The following INPP4B variants were observed in gnomAD, a reference collection of about 807,000 sequenced individuals.
The protein encoded by INPP4B is inositol polyphosphate 4-phosphatase type II.
A neutral mutation model predicts 122.5 loss-of-function variants in INPP4B; 55 were observed. The observed-to-expected ratio is 0.45, with a 90% CI of 0.36 to 0.56. The LOEUF is 0.56. Among genes scored for constraint, INPP4B ranks in the 20% least tolerant of loss-of-function variants. The pLI is 0.00. For missense variants in INPP4B, 1,000 were observed against 1,097.7 expected, an observed-to-expected ratio of 0.91 and a Z score of 1.26; for synonymous variants, 403 against 388.7, an observed-to-expected ratio of 1.04 and a Z score of -0.43.
At chr4:142,073,474 G>C (rs1561024760) in intron 25 of INPP4B, among the ~76,000 whole-genome samples, 1 of 152,038 alleles carries the variant, frequency 6.6e-6, no homozygotes, top group Admixed American at 6.6e-5. Context: ...CCAGTGTCTA[G>C]AGCACTATAA....
At chr4:142,053,595 C>CT in intron 25 of INPP4B, among the ~76,000 whole-genome samples, 1 of 151,802 alleles carries the variant, frequency 6.6e-6, no homozygotes, top group South Asian at 2.1e-4. Flanking sequence ...TAGTCATGGC[C>CT]CACTTTCTCA....
intron 2 of INPP4B, among the ~76,000 whole-genome samples, chr4:142,606,635 C>G (rs771407910): frequency 2.6e-5 from 4 of 151,884 alleles, no homozygotes; most frequent in Non-Finnish European, 5.9e-5. Context: ...TATTTTGGAT[C>G]CTTAAGAATG....
chr4:142,642,445 T>G (rs1750720473), intron 2 of INPP4B, among the ~76,000 whole-genome samples: 1 of 152,180 alleles, frequency 6.6e-6, no homozygotes, highest in Non-Finnish European at 1.5e-5. Flanking sequence ...AATTTTTGTA[T>G]AAGGTATAAG....
Position 142,109,684 on chromosome 4 carries a change from G to A in INPP4B, c.2277-1494C>T, listed in dbSNP as rs117841830. 5.0e-4 allele frequency among the ~76,000 whole-genome samples: 76 copies of A among 152,156 alleles called. 1 individual carries two copies. The East Asian group carries it at 0.014, about 28-fold the overall frequency. On this transcript the variant is annotated intron_variant, in intron 22 of 25. Coordinates refer to ENST00000262992, the MANE Select transcript of INPP4B (RefSeq NM_001101669.3). ...ATCTCCTCTATGATACTTCCCCCAC[G>A]GATTCATCTCCCTTCTGTGAATTGC...
chr4:142,575,709 C>T (rs1057120733), intron 2 of INPP4B, among the ~76,000 whole-genome samples: 1 of 152,010 alleles, frequency 6.6e-6, no homozygotes, highest in Non-Finnish European at 1.5e-5. Flanking sequence ...TGGCTAGTAT[C>T]ATCTGCTTCA....
At chr4:142,302,666 TATA>T (rs1324529564) in intron 9 of INPP4B, among the ~76,000 whole-genome samples, 2 of 152,154 alleles carry the variant, frequency 1.3e-5, no homozygotes. Context: ...TTATCATTCT[TATA>T]ATATTATCAA....
intron 2 of INPP4B, among the ~76,000 whole-genome samples, chr4:142,480,569 A>C (rs1297407649): frequency 6.6e-6 from 1 of 152,210 alleles, no homozygotes; most frequent in East Asian, 1.9e-4. Context: ...TCTGCTGGCC[A>C]TCTGGCCATC....
intron 11 of INPP4B, among the ~76,000 whole-genome samples, chr4:142,257,668 A>G (rs1006753697): frequency 6.6e-6 from 1 of 152,244 alleles, no homozygotes; most frequent in Non-Finnish European, 1.5e-5. Flanking sequence ...GGATTTCTTC[A>G]AGGAGAACTA....
chr4:142,398,389 AAAAAAAAAAAAAATATATATATATATAT>A (rs1409980708), intron 7 of INPP4B, among the ~76,000 whole-genome samples: 678 of 47,250 alleles, frequency 0.014, 33 homozygotes, highest in Middle Eastern at 0.043. Flanking sequence ...AAAAAAAAAA[AAAAAAAAAAAAAATATATATATATATAT>A]ATATATATAT....
At chr4:142,606,510 A>G (rs960725741) in intron 2 of INPP4B, among the ~76,000 whole-genome samples, 8 of 151,950 alleles carry the variant, frequency 5.3e-5, no homozygotes, top group African/African-American at 1.9e-4. Flanking sequence ...AAACACTCAC[A>G]TGTACCCTAT....
At chr4:142,619,714 C>T (rs1165358466) in intron 2 of INPP4B, among the ~76,000 whole-genome samples, 1 of 151,898 alleles carries the variant, frequency 6.6e-6, no homozygotes, top group East Asian at 1.9e-4. Flanking sequence ...ACAGTTAATA[C>T]TGTATTATCC....
intron 25 of INPP4B, among the ~76,000 whole-genome samples, chr4:142,080,895 T>G (rs1332821935): frequency 6.6e-6 from 1 of 152,136 alleles, no homozygotes; most frequent in African/African-American, 2.4e-5. Context: ...TTACCATTAG[T>G]GCTGAGATAT....
Position 142,167,619 on chromosome 4 carries a change from A to G in INPP4B, c.1359+6013T>C, listed in dbSNP as rs560160866. On this transcript the variant is annotated intron_variant, in intron 16 of 25. Coordinates refer to ENST00000262992, the MANE Select transcript of INPP4B (RefSeq NM_001101669.3). ...GCTGTGCTTTTGTCTAGTTATTTGAACATACATGTGTTGGTTTATTTCTAG... is the reference window on the plus strand; with the variant it reads ...GCTGTGCTTTTGTCTAGTTATTTGAGCATACATGTGTTGGTTTATTTCTAG... Among the ~76,000 whole-genome samples, 24 of 151,802 alleles carry G rather than the reference A, an allele frequency of 1.6e-4. No individual in the cohort carries two copies. In the South Asian group the frequency reaches 4.8e-3, roughly 30 times the overall value.
intron 12 of INPP4B, among the ~76,000 whole-genome samples, chr4:142,214,711 C>A (rs1846317974): frequency 6.6e-6 from 1 of 152,244 alleles, no homozygotes; most frequent in East Asian, 1.9e-4. Context: ...TGCCATCACG[C>A]CTGGCTAATC....
rs766141136 is a variant in INPP4B at position 142,831,287 on chromosome 4, C to G, written c.-254+14922G>C. Among the ~76,000 whole-genome samples, 4 of 152,140 alleles carry G rather than the reference C, an allele frequency of 2.6e-5. No individual in the cohort carries two copies. The East Asian group carries it at 5.8e-4, about 22-fold the overall frequency. ...CCAGATCTAAGTCACAGTTGCCTGACAGTTCTATATAGCAGAGTCTTCAAG... is the reference window on the plus strand; with the variant it reads ...CCAGATCTAAGTCACAGTTGCCTGAGAGTTCTATATAGCAGAGTCTTCAAG... On this transcript the variant is annotated intron_variant, in intron 1 of 25. Coordinates refer to ENST00000262992, the MANE Select transcript of INPP4B (RefSeq NM_001101669.3).
intron 15 of INPP4B, among the ~76,000 whole-genome samples, chr4:142,184,026 T>C (rs927411637): frequency 6.6e-6 from 1 of 152,302 alleles, no homozygotes; most frequent in Admixed American, 6.5e-5. Flanking sequence ...TTCACCAAAT[T>C]TGATATCATT....
At chr4:142,171,984 A>G (rs1374649366) in intron 16 of INPP4B, among the ~76,000 whole-genome samples, 1 of 151,910 alleles carries the variant, frequency 6.6e-6, no homozygotes, top group Admixed American at 6.6e-5. Flanking sequence ...GTGAACCCAG[A>G]AAAACCTCAC....
At chr4:142,494,668 A>G (rs1433938356) in intron 2 of INPP4B, among the ~76,000 whole-genome samples, 1 of 151,978 alleles carries the variant, frequency 6.6e-6, no homozygotes, top group African/African-American at 2.4e-5. Context: ...CCTGGCTGTT[A>G]TTATCTTTGG....
intron 25 of INPP4B, chr4:142,029,289 T>A: frequency 3.0e-6 from 3 of 988,052 alleles, no homozygotes; most frequent in Non-Finnish European, 3.6e-6. Flanking sequence ...TATGTAGCCC[T>A]AAGGATGCAG....
Sources: gnomAD v4.1 joint callset for allele counts (sites outside exome capture counted in the v4.1 genomes callset) on GRCh38, gnomAD v4.1.1 for gene constraint, MANE v1.5 for transcripts, NCBI Gene and HGNC (gene_info 2026-07-23, HGNC 2026-07-21) for gene names.